MYH11: variants seen among roughly 807,000 people sequenced by gnomAD.
The protein encoded by MYH11 is myosin heavy chain 11.
Under a neutral mutation model 246.6 loss-of-function variants are expected in MYH11, and 80 were observed. The ratio of observed to expected loss-of-function variants is 0.32; its 90% confidence interval spans 0.27 to 0.39. MYH11 has a LOEUF of 0.39. Among genes scored for constraint, MYH11 ranks in the 10% least tolerant of loss-of-function variants. The pLI is 1.00. For missense variants in MYH11, 2,158 were observed against 2,546.8 expected, an observed-to-expected ratio of 0.85 and a Z score of 3.29; for synonymous variants, 1,071 against 1,015.5, an observed-to-expected ratio of 1.05 and a Z score of -1.04.
chr16:15,751,247 G>A lies in MYH11; in HGVS notation c.1865-916C>T, dbSNP rs559542997. 3.8e-4 allele frequency among the ~76,000 whole-genome samples: 58 copies of A among 151,576 alleles called. No homozygotes were observed. In the South Asian group the frequency reaches 6.9e-3, roughly 18 times the overall value. On this transcript the variant is annotated intron_variant, in intron 15 of 40. Coordinates refer to ENST00000300036, the MANE Select transcript of MYH11 (RefSeq NM_002474.3). The stretch of plus-strand genomic sequence containing the variant: ...GTGATCTCGGCTCACCACAACGTCC[G>A]CCTCCCGGGTTCCAGCAATTCTCCC...
intron 9 of MYH11, among the ~76,000 whole-genome samples, chr16:15,769,902 C>A (rs72772042): frequency 0.14 from 21,826 of 152,132 alleles, 1,982 homozygotes; most frequent in South Asian, 0.32. Flanking sequence ...CTCAAGCAAT[C>A]CTCTTGCCTC....
chr16:15,737,648 A>C, intron 24 of MYH11, 28 bp from the exon 25 acceptor site: 1 of 1,607,772 alleles, frequency 6.2e-7, no homozygotes, highest in Non-Finnish European at 8.5e-7. Flanking sequence ...CTCTTCAGGA[A>C]GGGGAGGCCC....
chr16:15,855,482 C>T (rs568286385), intron 1 of MYH11, among the ~76,000 whole-genome samples: 17 of 152,138 alleles, frequency 1.1e-4, no homozygotes, highest in Admixed American at 2.6e-4. Context: ...CAAACTGACC[C>T]GGGAATGGGT....
At position 15,790,307 on chromosome 16, in the gene MYH11, A is replaced by AAAAC. The variant is rs140067382; in HGVS notation, c.531-3579_531-3576dup. 7.3e-4 allele frequency among the ~76,000 whole-genome samples: 111 copies of AAAAC among 151,314 alleles called. 1 individual carries two copies. The highest frequency in any genetic ancestry group is 3.8e-3 in the South Asian group (18 of 4,754). ...GCAATAGAATGAGACTCCATCTCAAAAAACAAACAAACAAACAAACAAACA... is the reference window on the plus strand; with the variant it reads ...GCAATAGAATGAGACTCCATCTCAAAAAACAAACAAACAAACAAACAAACAAACA... On this transcript the variant is annotated intron_variant, in intron 4 of 40. Transcript: ENST00000300036.
intron 6 of MYH11, among the ~76,000 whole-genome samples, chr16:15,780,376 T>C (rs975533732): frequency 2.0e-5 from 3 of 151,934 alleles, no homozygotes; most frequent in Admixed American, 6.6e-5. Flanking sequence ...ATATCCCTTA[T>C]GACTCTTCCA....
chr16:15,778,999 G>A (rs1215047725), intron 6 of MYH11, 156 bp from the exon 7 acceptor site: 9 of 746,406 alleles, frequency 1.2e-5, no homozygotes, highest in African/African-American at 6.9e-5. Context: ...GTTGTCAGGC[G>A]GAACCAACAT....
chr16:15,814,631 C>T (rs931591593), intron 3 of MYH11, among the ~76,000 whole-genome samples: 1 of 140,306 alleles, frequency 7.1e-6, no homozygotes, highest in Non-Finnish European at 1.5e-5. Flanking sequence ...AGGTGGGAAA[C>T]GACCTAATTT....
chr16:15,709,270 G>A (rs2039645099), intron 40 of MYH11, among the ~76,000 whole-genome samples: 1 of 151,818 alleles, frequency 6.6e-6, no homozygotes, highest in African/African-American at 2.4e-5. Context: ...TTAAGTCAAC[G>A]TTGCAGTGAA....
chr16:15,708,181 G>A (rs1174788590), intron 40 of MYH11, among the ~76,000 whole-genome samples: 3 of 152,152 alleles, frequency 2.0e-5, no homozygotes, highest in Non-Finnish European at 4.4e-5. Context: ...TTTGTAGCTA[G>A]ACATCACTCA....
In MYH11 at chr16:15,715,099, A is replaced by AG. The variant is rs759257352; in HGVS notation, c.5614-19dup. 2.7e-6 allele frequency: 4 copies of AG among 1,470,692 alleles called. No homozygotes were observed. Among genetic ancestry groups the AG allele is most frequent in the Admixed American group, 1.8e-5 (1 of 55,372 alleles). The allele number at this position is 1,470,692 out of a possible 1,614,324, so 91.1% of individuals were successfully genotyped here. A position where few individuals can be genotyped will look rare whatever the true frequency, so the allele number is the denominator to read the frequency against. On this transcript the variant is annotated intron_variant, in intron 39 of 40. Coordinates refer to ENST00000300036, the MANE Select transcript of MYH11 (RefSeq NM_002474.3). Reference sequence around the variant, plus strand: ...TTCTCTGCCTGTCGCGGAGAGTTGGAGGGGTGGTTAGGGGAGGCCGGCTGG... The same window carrying AG: ...TTCTCTGCCTGTCGCGGAGAGTTGGAGGGGGTGGTTAGGGGAGGCCGGCTGG...
intron 10 of MYH11, among the ~76,000 whole-genome samples, chr16:15,763,096 T>G (rs2041904919): frequency 6.6e-6 from 1 of 152,184 alleles, no homozygotes; most frequent in African/African-American, 2.4e-5. Context: ...AGAATACTCT[T>G]TTGGTATAAT....
At chr16:15,742,244 C>CT in intron 20 of MYH11, 1 of 395,114 alleles carries the variant, frequency 2.5e-6, no homozygotes, top group Non-Finnish European at 4.8e-6. Context: ...ACTTTAGAAC[C>CT]ATCCCAACAG....
intron 1 of MYH11, among the ~76,000 whole-genome samples, chr16:15,845,337 G>A (rs2044159003): frequency 7.0e-6 from 1 of 143,096 alleles, no homozygotes; most frequent in Admixed American, 7.2e-5. Context: ...TATCATTAGT[G>A]CTAGTGTATT....
At chr16:15,707,820 A>C (rs1024140548) in intron 40 of MYH11, among the ~76,000 whole-genome samples, 4 of 152,152 alleles carry the variant, frequency 2.6e-5, no homozygotes, top group Non-Finnish European at 5.9e-5. Flanking sequence ...AAAAATACAA[A>C]AATTAGCTGG....
intron 36 of MYH11, chr16:15,718,899 A>G (rs112099264): frequency 0.014 from 5,759 of 417,392 alleles, 292 homozygotes; most frequent in African/African-American, 0.11. Context: ...AGGCCAAGGT[A>G]GGAGGATCAC....
chr16:15,720,720 G>T (rs1156433568), intron 33 of MYH11, 119 bp downstream of exon 33: 2 of 1,125,152 alleles, frequency 1.8e-6, no homozygotes, highest in East Asian at 2.5e-5. Context: ...GCGACAGAGC[G>T]AGACTCTGTT....
intron 1 of MYH11, among the ~76,000 whole-genome samples, chr16:15,842,701 T>G (rs1326885622): frequency 7.1e-6 from 1 of 141,686 alleles, no homozygotes; most frequent in East Asian, 2.1e-4. Flanking sequence ...GAAGCAGAGG[T>G]TGCAGTGAGC....
intron 3 of MYH11, among the ~76,000 whole-genome samples, chr16:15,812,986 G>C (rs1478955320): frequency 6.6e-6 from 1 of 152,234 alleles, no homozygotes; most frequent in East Asian, 1.9e-4. Flanking sequence ...GGTCAACACG[G>C]TGAAACACCA....
intron 15 of MYH11, among the ~76,000 whole-genome samples, chr16:15,751,609 C>CT (rs34772774): frequency 0.049 from 5,736 of 116,334 alleles, 713 homozygotes; most frequent in African/African-American, 0.15. Flanking sequence ...GTGTAACAAT[C>CT]TTTTTTTTTT....
Sources: gnomAD v4.1 joint callset for allele counts (sites outside exome capture counted in the v4.1 genomes callset) on GRCh38, gnomAD v4.1.1 for gene constraint, MANE v1.5 for transcripts, NCBI Gene and HGNC (gene_info 2026-07-23, HGNC 2026-07-21) for gene names.